OTOGL: variants seen among roughly 807,000 people sequenced by gnomAD.
The protein encoded by OTOGL is otogelin like.
In OTOGL, 285 loss-of-function variants were observed where a neutral mutation model predicts 318.5. The observed-to-expected ratio is 0.89, with a 90% CI of 0.81 to 0.99. The LOEUF (loss-of-function observed/expected upper bound fraction) is 0.99. Ranked by LOEUF, OTOGL falls within the 50% of genes least tolerant of loss-of-function variation. The probability of loss-of-function intolerance (pLI) is 0.00; values close to 1 mark genes in which losing one functional copy is unlikely to be tolerated. For synonymous variants in OTOGL, 987 were observed against 936.5 expected (o/e 1.05, Z -0.99); for missense variants, 2,899 against 2,845.6 (o/e 1.02, Z -0.43).
At chr12:80,252,495 C>A (rs1224591205) in intron 13 of OTOGL, among the ~76,000 whole-genome samples, 1 of 152,112 alleles carries the variant, frequency 6.6e-6, no homozygotes, top group East Asian at 1.9e-4. Context: ...TATATATCTT[C>A]ACTTTTTAAA....
chr12:80,163,955 G>C (rs924608979), intron 1 of OTOGL, among the ~76,000 whole-genome samples: 1 of 152,158 alleles, frequency 6.6e-6, no homozygotes, highest in Non-Finnish European at 1.5e-5. Context: ...ACAGATAAAA[G>C]GGGAGGCTAT....
chr12:80,109,214 C>A lies in OTOGL; in HGVS notation c.-20+9609C>A, dbSNP rs1037780520. 2.0e-5 allele frequency among the ~76,000 whole-genome samples: 3 copies of A among 151,874 alleles called. No individual in the cohort carries two copies. The East Asian group carries it at 5.8e-4, about 29-fold the overall frequency. ...AATCTGAAACTAAATGTTTTTATTG[C>A]TATGAAGCTATTGTTACTTCCAGGC... On this transcript the variant is annotated intron_variant, in intron 1 of 58. Transcript: ENST00000547103.
At chr12:80,177,527 T>C (rs1874609308) in intron 1 of OTOGL, among the ~76,000 whole-genome samples, 1 of 152,224 alleles carries the variant, frequency 6.6e-6, no homozygotes, top group Non-Finnish European at 1.5e-5. Context: ...TTATAATAAA[T>C]CTTGAAATCA....
intron 32 of OTOGL, among the ~76,000 whole-genome samples, chr12:80,317,376 G>A (rs944414630): frequency 6.6e-6 from 1 of 152,132 alleles, no homozygotes; most frequent in African/African-American, 2.4e-5. Flanking sequence ...TTAACTGAGA[G>A]TCAATTCAAA....
chr12:80,317,087 A>G (rs1887019650), intron 32 of OTOGL, among the ~76,000 whole-genome samples: 2 of 152,200 alleles, frequency 1.3e-5, no homozygotes, highest in African/African-American at 4.8e-5. Flanking sequence ...GTTCATTTAT[A>G]TGACTTTTAC....
intron 1 of OTOGL, among the ~76,000 whole-genome samples, chr12:80,149,840 G>A (rs548583494): frequency 1.3e-5 from 2 of 151,452 alleles, no homozygotes; most frequent in South Asian, 2.1e-4. Context: ...TCCAGGTGCC[G>A]GCTGACTAGG....
chr12:80,372,125 T>G, intron 57 of OTOGL, 61 bp downstream of exon 57: 1 of 1,181,014 alleles, frequency 8.5e-7, no homozygotes. Flanking sequence ...CTCATAGTGA[T>G]TATGGTTTTT....
At chr12:80,185,101 G>C (rs1320634021) in intron 1 of OTOGL, among the ~76,000 whole-genome samples, 1 of 152,170 alleles carries the variant, frequency 6.6e-6, no homozygotes, top group East Asian at 1.9e-4. Context: ...GGATGCCAAT[G>C]CTCTGTTAAC....
At chr12:80,377,087 G>T in intron 57 of OTOGL, 36 bp from the exon 58 acceptor site, 2 of 1,422,532 alleles carry the variant, frequency 1.4e-6, no homozygotes, top group South Asian at 1.3e-5. Flanking sequence ...TTTAACGTAG[G>T]CCTTTGATGA....
intron 44 of OTOGL, among the ~76,000 whole-genome samples, chr12:80,348,036 G>T (rs997764786): frequency 6.6e-6 from 1 of 152,036 alleles, no homozygotes; most frequent in Non-Finnish European, 1.5e-5. Flanking sequence ...TTGTCAGATG[G>T]ATAGATTGCA....
intron 1 of OTOGL, among the ~76,000 whole-genome samples, chr12:80,196,982 C>G (rs1200590730): frequency 2.0e-5 from 3 of 152,120 alleles, no homozygotes; most frequent in Admixed American, 6.5e-5. Context: ...CACCTTAAGT[C>G]TGATAAGAAA....
At chr12:80,209,990 AT>A (rs1420912425) in intron 2 of OTOGL, among the ~76,000 whole-genome samples, 1 of 152,172 alleles carries the variant, frequency 6.6e-6, no homozygotes, top group Non-Finnish European at 1.5e-5. Context: ...TAGTAAAAAA[AT>A]GTTTAAAAAT....
At chr12:80,173,510 C>T (rs1233987684) in intron 1 of OTOGL, among the ~76,000 whole-genome samples, 1 of 152,110 alleles carries the variant, frequency 6.6e-6, no homozygotes, top group East Asian at 1.9e-4. Context: ...GTGAGGATGA[C>T]TGGAGGTCAC....
intron 4 of OTOGL, among the ~76,000 whole-genome samples, chr12:80,212,906 AC>A (rs1347849006): frequency 8.3e-6 from 1 of 120,990 alleles, no homozygotes; most frequent in African/African-American, 2.5e-5. Flanking sequence ...AAGAGTAGAG[AC>A]CTTTTTTTTG....
chr12:80,356,941 G>T, intron 49 of OTOGL, 27 bp downstream of exon 49: 2 of 1,418,898 alleles, frequency 1.4e-6, no homozygotes, highest in Non-Finnish European at 9.4e-7. Context: ...TAATTTCTTG[G>T]AAGAAGAGAA....
chr12:80,150,866 C>T (rs900409659), intron 1 of OTOGL, among the ~76,000 whole-genome samples: 1 of 152,026 alleles, frequency 6.6e-6, no homozygotes, highest in Non-Finnish European at 1.5e-5. Context: ...TTTTTATTTA[C>T]TTTTAAAAGC....
intron 4 of OTOGL, 147 bp downstream of exon 4, chr12:80,212,144 T>C: frequency 2.6e-6 from 2 of 755,430 alleles, no homozygotes; most frequent in Non-Finnish European, 4.1e-6. Flanking sequence ...CAAAGTAACC[T>C]CTATTGCTTT....
chr12:80,250,446 T>C (rs1225003945), intron 11 of OTOGL, among the ~76,000 whole-genome samples: 1 of 152,298 alleles, frequency 6.6e-6, no homozygotes, highest in Non-Finnish European at 1.5e-5. Flanking sequence ...ATTCAGTTGC[T>C]TTGCTAACTT....
intron 27 of OTOGL, 75 bp from the exon 28 acceptor site, chr12:80,302,559 T>C (rs1885832121): frequency 1.0e-6 from 1 of 995,978 alleles, no homozygotes; most frequent in Non-Finnish European, 1.3e-6. Flanking sequence ...TGGTAAATGT[T>C]AACTAAACTA....
Sources: gnomAD v4.1 joint callset for allele counts (sites outside exome capture counted in the v4.1 genomes callset) on GRCh38, gnomAD v4.1.1 for gene constraint, MANE v1.5 for transcripts, NCBI Gene and HGNC (gene_info 2026-07-23, HGNC 2026-07-21) for gene names.